PTPRN: variants seen among roughly 807,000 people sequenced by gnomAD.
PTPRN encodes receptor-type tyrosine-protein phosphatase-like N.
In PTPRN, 70 loss-of-function variants were observed where a neutral mutation model predicts 108.5. The observed-to-expected ratio is 0.65, with a 90% confidence interval of 0.53 to 0.79. PTPRN has a LOEUF of 0.79. Ranked by LOEUF, PTPRN falls within the 30% of genes least tolerant of loss-of-function variation. The pLI is 0.00. For synonymous variants in PTPRN, 496 were observed against 524.6 expected, an observed-to-expected ratio of 0.95 and a Z score of 0.75; for missense variants, 1,136 against 1,295.5, an observed-to-expected ratio of 0.88 and a Z score of 1.89.
At chr2:219,292,185 T>C (rs1262572665) in intron 19 of PTPRN, 3 of 154,390 alleles carry the variant, frequency 1.9e-5, no homozygotes, top group African/African-American at 7.2e-5. Flanking sequence ...GACATTGTGC[T>C]ACTGCTTGTC....
intron 1 of PTPRN, 44 bp from the exon 2 acceptor site, chr2:219,307,886 G>A: frequency 1.3e-6 from 2 of 1,588,982 alleles, no homozygotes; most frequent in Non-Finnish European, 1.7e-6. Flanking sequence ...CCCACTCACA[G>A]AGAATGGGCA....
chr2:219,309,176 T>TCCCCCC, intron 1 of PTPRN, 42 bp downstream of exon 1: 30 of 1,364,310 alleles, frequency 2.2e-5, no homozygotes, highest in Admixed American at 4.2e-5. Flanking sequence ...CCCAAGCTGC[T>TCCCCCC]CCCCGCCCCC....
chr2:219,290,154 T>G lies in PTPRN; in HGVS notation c.*72A>C. 5 of 1,380,522 alleles carry G rather than the reference T, an allele frequency of 3.6e-6. No homozygotes were observed. The highest frequency in any genetic ancestry group is 5.1e-6 in the Non-Finnish European group (5 of 971,306). 85.5% of individuals were successfully genotyped at this position (1,380,522 alleles called of 1,614,324 possible). On this transcript the variant is annotated 3_prime_UTR_variant, in exon 23 of 23. Coordinates refer to ENST00000295718, the MANE Select transcript of PTPRN (RefSeq NM_002846.4). The surrounding 1 kb of genome is among the most constrained non-coding windows in gnomAD (Gnocchi z 4.2). Reference sequence around the variant, plus strand: ...AGGTGGCTGGTGGGGCAGTGAGGAGTGGGTACACAGAGATGCTCACACAGG... The same window carrying G: ...AGGTGGCTGGTGGGGCAGTGAGGAGGGGGTACACAGAGATGCTCACACAGG...
rs373082906 is a variant in PTPRN at position 219,302,567 on chromosome 2, A to G, written c.639+9T>C. The G allele has an allele frequency of 2.0e-5, 33 of 1,613,868 alleles. No individual in the cohort carries two copies. The highest frequency in any genetic ancestry group is 2.7e-5 in the Non-Finnish European group (32 of 1,179,946). ...TGCGGTTGGGGTGGGACCAGAGTCA[A>G]GGACTTACCTGGTGGAACAGGTAGG... On this transcript the variant is annotated intron_variant, in intron 5 of 22. Coordinates refer to ENST00000295718, the MANE Select transcript of PTPRN (RefSeq NM_002846.4).
rs1457177017 is a variant in PTPRN at position 219,302,466 on chromosome 2, A to G, written c.665T>C (p.Val222Ala). Residue 222 changes from valine to alanine, a missense_variant, in exon 6 of 23, where the codon GTC becomes GCC. Physicochemically the swap from Val to Ala is moderately conservative, Grantham distance 64. Coordinates refer to ENST00000295718, the MANE Select transcript of PTPRN (RefSeq NM_002846.4). ...HQFGSRDGSR[V>A]SEGSPGMVSV... ...GACCATCCCTGGGGAGCCCTCTGAG[A>G]CCCTGGAGCCATCACGGGAGCCAAA... 6.2e-7 allele frequency: 1 copy of G among 1,613,920 alleles called. No homozygotes were observed. The highest frequency in any genetic ancestry group is 1.1e-5 in the South Asian group (1 of 91,076).
rs775161902 is a variant in PTPRN at position 219,291,504 on chromosome 2, G to A, written c.2695C>T (p.Arg899Trp). The A allele has an allele frequency of 5.6e-6, 9 of 1,613,960 alleles. No homozygotes were observed. Among genetic ancestry groups the A allele is most frequent in the South Asian group, 1.1e-5 (1 of 91,072 alleles). ...DFRRKVNKCY[R>W]GRSCPIIVHC... The stretch of plus-strand genomic sequence containing the variant: ...ACGATGATGGGGCAGGAGCGGCCCC[G>A]GTAGCACTTGTTCACCTTCCTGCAA... The change falls in exon 20 of 23, where the codon CGG (arginine) becomes TGG (tryptophan). Residue 899 changes from arginine to tryptophan, a missense_variant. Transcript: ENST00000295718.
In PTPRN at chr2:219,297,110, C is replaced by T. The variant is rs147632050; in HGVS notation, c.2111G>A (p.Arg704Gln). 199 of 1,614,094 alleles carry T rather than the reference C, an allele frequency of 1.2e-4. 1 individual carries two copies. Among genetic ancestry groups the T allele is most frequent in the African/African-American group, 7.6e-4 (57 of 75,072 alleles). The change falls in exon 15 of 23, where the codon CGG becomes CAG. Residue 704 changes from arginine (R) to glutamine (Q), a missense_variant. By Grantham distance (43) the Arg-to-Gln change is conservative (BLOSUM62 1). Coordinates refer to ENST00000295718, the MANE Select transcript of PTPRN (RefSeq NM_002846.4). The surrounding 1 kb of genome is among the most constrained non-coding windows in gnomAD (Gnocchi z 6.0). ...CTCCTTGGCAAGGCGGTCCCGGTTC[C>T]GCAGGTGATCCTCCATGTATGCCTG... ...MILAYMEDHL[R>Q]NRDRLAKEWQ...
chr2:219,302,299 G>T lies in PTPRN; in HGVS notation c.832C>A (p.Leu278Met), dbSNP rs1952370577. ...SPAQLFQDSGLLYLAQELPAP... is the reference protein window; with the variant it reads ...SPAQLFQDSGMLYLAQELPAP... Reference sequence around the variant, plus strand: ...GGCAACTCCTGGGCCAGATAGAGCAGCCCAGAGTCTTGAAAAAGCTGGGCA... The same window carrying T: ...GGCAACTCCTGGGCCAGATAGAGCATCCCAGAGTCTTGAAAAAGCTGGGCA... Residue 278 changes from leucine (L) to methionine (M), a missense_variant, in exon 6 of 23, where the codon CTG becomes ATG. Leu to Met is a conservative substitution (Grantham distance 15, BLOSUM62 2). Coordinates refer to ENST00000295718, the MANE Select transcript of PTPRN (RefSeq NM_002846.4). 1 of 1,614,090 alleles carries T rather than the reference G, an allele frequency of 6.2e-7. No individual in the cohort carries two copies.
chr2:219,291,065 G>A (rs951249774), intron 20 of PTPRN, among the ~76,000 whole-genome samples, 175 bp from the exon 21 acceptor site: 10 of 152,138 alleles, frequency 6.6e-5, no homozygotes, highest in Non-Finnish European at 1.0e-4. Context: ...GCACCTGCAC[G>A]CTGGGACTTG....
chr2:219,295,188 C>T (rs1952159868), intron 18 of PTPRN, 47 bp from the exon 19 acceptor site: 2 of 1,582,760 alleles, frequency 1.3e-6, no homozygotes, highest in Admixed American at 1.8e-5. Flanking sequence ...TGCCCCAGTC[C>T]CCGCGTTGCG....
intron 19 of PTPRN, among the ~76,000 whole-genome samples, chr2:219,294,463 G>T (rs1952126216): frequency 7.1e-6 from 1 of 140,088 alleles, no homozygotes; most frequent in Admixed American, 6.8e-5. Flanking sequence ...AAAGGAAAAA[G>T]AATGAAAGAC....
intron 19 of PTPRN, 105 bp from the exon 20 acceptor site, chr2:219,291,628 G>A: frequency 8.6e-7 from 1 of 1,164,904 alleles, no homozygotes. Flanking sequence ...CTCCCCACCT[G>A]CCCGGGGCAG....
At chr2:219,303,071 A>T (rs1952397922) in intron 4 of PTPRN, among the ~76,000 whole-genome samples, 1 of 152,190 alleles carries the variant, frequency 6.6e-6, no homozygotes, top group Non-Finnish European at 1.5e-5. Context: ...TGAGTCTCTG[A>T]AACAACTGCA....
Position 219,290,141 on chromosome 2 carries a change from G to T in PTPRN, c.*85C>A, listed in dbSNP as rs547623304. 2 of 1,263,112 alleles carry T rather than the reference G, an allele frequency of 1.6e-6. No individual in the cohort carries two copies. Among genetic ancestry groups the T allele is most frequent in the Non-Finnish European group, 2.3e-6 (2 of 867,058 alleles). The allele number at this position is 1,263,112 out of a possible 1,614,324, so 78.2% of individuals were successfully genotyped here. A position where few individuals can be genotyped will look rare whatever the true frequency, so the allele number is the denominator to read the frequency against. On this transcript the variant is annotated 3_prime_UTR_variant, in exon 23 of 23. Transcript: ENST00000295718. This position sits in a 1 kb window ranked among gnomAD's most constrained non-coding sequence, Gnocchi z 4.2. ...GAGCATGCCCAAGAGGTGGCTGGTG[G>T]GGCAGTGAGGAGTGGGTACACAGAG...
rs567570746 is a variant in PTPRN at position 219,299,608 on chromosome 2, C to G, written c.1523+92G>C. On this transcript the variant is annotated intron_variant, in intron 10 of 22. Coordinates refer to ENST00000295718, the MANE Select transcript of PTPRN (RefSeq NM_002846.4). ...GAGCATCCCTGAGCTCAGAGCTTGTCTGCTCTTCCTCCCGCAGGCCCCTCC... is the reference window on the plus strand; with the variant it reads ...GAGCATCCCTGAGCTCAGAGCTTGTGTGCTCTTCCTCCCGCAGGCCCCTCC... 3.1e-6 allele frequency: 4 copies of G among 1,311,244 alleles called. No homozygotes were observed. In the South Asian group the frequency reaches 5.4e-5, roughly 18 times the overall value. 81.2% of individuals were successfully genotyped at this position (1,311,244 alleles called of 1,614,324 possible).
chr2:219,302,120 G>A lies in PTPRN; in HGVS notation c.994+17C>T. 1 of 1,553,414 alleles carries A rather than the reference G, an allele frequency of 6.4e-7. No homozygotes were observed. Among genetic ancestry groups the A allele is most frequent in the Non-Finnish European group, 8.7e-7 (1 of 1,148,702 alleles). On this transcript the variant is annotated intron_variant, in intron 6 of 22. Transcript: ENST00000295718. Reference sequence around the variant, plus strand: ...AAGCAGCCCTCACAGGGAGGTGGATGCTGAGGACCTTGTTACCTGGCTGCA... The same window carrying A: ...AAGCAGCCCTCACAGGGAGGTGGATACTGAGGACCTTGTTACCTGGCTGCA...
chr2:219,291,149 T>C (rs1453728123), intron 20 of PTPRN, among the ~76,000 whole-genome samples: 1 of 152,170 alleles, frequency 6.6e-6, no homozygotes, highest in Non-Finnish European at 1.5e-5. Flanking sequence ...GAGCCATGGC[T>C]CAGCCCAGAA....
At chr2:219,293,353 G>GT (rs1028588672) in intron 19 of PTPRN, among the ~76,000 whole-genome samples, 1 of 152,038 alleles carries the variant, frequency 6.6e-6, no homozygotes, top group Non-Finnish European at 1.5e-5. Context: ...GCTAATTTTT[G>GT]TATTTTTGGC....
chr2:219,296,160 GT>G lies in PTPRN; in HGVS notation c.2508+65del. ...TGAGTGCTCATTTGGTGAAGAAAAC[GT>G]TACGAAAAGGCCATCATCTACTCTT... is the stretch of plus-strand genomic sequence containing the variant. On this transcript the variant is annotated intron_variant, in intron 18 of 22. Coordinates refer to ENST00000295718, the MANE Select transcript of PTPRN (RefSeq NM_002846.4). The surrounding 1 kb of genome is among the most constrained non-coding windows in gnomAD (Gnocchi z 6.0). The G allele has an allele frequency of 6.3e-7, 1 of 1,596,012 alleles. No homozygotes were observed. The highest frequency in any genetic ancestry group is 8.6e-7 in the Non-Finnish European group (1 of 1,165,284).
Sources: allele counts gnomAD v4.1 joint callset (sites outside exome capture counted in the v4.1 genomes callset), GRCh38; gene constraint gnomAD v4.1.1; non-coding constraint Gnocchi (gnomAD v3.1); transcripts MANE v1.5; gene names NCBI Gene and HGNC (gene_info 2026-07-23, HGNC 2026-07-21).